NMBR: variants seen among roughly 807,000 people sequenced by gnomAD.
NMBR encodes neuromedin-B receptor.
In NMBR, 16 loss-of-function variants were observed where a neutral mutation model predicts 20.5. The ratio of observed to expected loss-of-function variants is 0.78; its 90% CI spans 0.53 to 1.19. NMBR has a LOEUF of 1.19. Ranked by LOEUF, NMBR falls within the 50% of genes most tolerant of loss-of-function variation. The pLI is 0.00. For missense variants in NMBR, 582 were observed against 499.1 expected, an observed-to-expected ratio of 1.17 and a Z score of -1.58; for synonymous variants, 212 against 196.6, an observed-to-expected ratio of 1.08 and a Z score of -0.65.
chr6:142,075,959 A>C lies in NMBR; in HGVS notation c.862T>G (p.Tyr288Asp). Residue 288 changes from tyrosine to aspartate, a missense_variant, in exon 4 of 4, where the codon TAT (tyrosine) becomes GAT (aspartate). Tyr to Asp is a radical substitution (Grantham distance 160). Coordinates refer to ENST00000258042, the MANE Select transcript of NMBR (RefSeq NM_002511.4). Reference sequence around the variant, plus strand: ...ATCTCATTATAGTTGAAAGACCGATACATGTAAAGGATGTGGTTTGGAAAC... The same window carrying C: ...ATCTCATTATAGTTGAAAGACCGATCCATGTAAAGGATGTGGTTTGGAAAC... Reference protein sequence around the residue: ...CWFPNHILYMYRSFNYNEIDP... With the variant: ...CWFPNHILYMDRSFNYNEIDP... The C allele has an allele frequency of 6.2e-7, 1 of 1,613,908 alleles. No individual in the cohort carries two copies. Among genetic ancestry groups the C allele is most frequent in the Non-Finnish European group, 8.5e-7 (1 of 1,179,854 alleles).
At chr6:142,088,191 C>T in intron 2 of NMBR, 46 bp downstream of exon 2, 2 of 1,581,052 alleles carry the variant, frequency 1.3e-6, no homozygotes, top group South Asian at 1.1e-5. Context: ...CTACTCGCCC[C>T]TCTCCACGAC....
At chr6:142,089,469 T>A (rs1039725861) in intron 1 of NMBR, among the ~76,000 whole-genome samples, 148 bp from the exon 2 acceptor site, 35 of 152,348 alleles carry the variant, frequency 2.3e-4, no homozygotes, top group African/African-American at 8.2e-4. Flanking sequence ...ATTTTTAAAT[T>A]TATATTTTAT....
chr6:142,117,816 C>G (rs1308800165), intron 1 of NMBR, among the ~76,000 whole-genome samples: 3 of 151,858 alleles, frequency 2.0e-5, no homozygotes, highest in Non-Finnish European at 4.4e-5. Flanking sequence ...CTTTGCCAAA[C>G]AAGGCAATCA....
chr6:142,113,395 T>C (rs1777804469), intron 1 of NMBR, among the ~76,000 whole-genome samples: 4 of 152,154 alleles, frequency 2.6e-5, no homozygotes. Flanking sequence ...AAAGGATTCA[T>C]GAATCGCATG....
At chr6:142,134,275 T>C (rs1395845557) in intron 1 of NMBR, among the ~76,000 whole-genome samples, 2 of 152,170 alleles carry the variant, frequency 1.3e-5, no homozygotes, top group Non-Finnish European at 2.9e-5. Context: ...ATTTGGGATA[T>C]AGACTAGCTG....
At chr6:142,086,797 G>A (rs1339721880) in intron 2 of NMBR, among the ~76,000 whole-genome samples, 2 of 152,034 alleles carry the variant, frequency 1.3e-5, no homozygotes, top group Non-Finnish European at 2.9e-5. Context: ...TGTAAAAACT[G>A]GTGTGAAATA....
chr6:142,083,415 C>A (rs1391519534), intron 2 of NMBR, among the ~76,000 whole-genome samples: 2 of 152,102 alleles, frequency 1.3e-5, no homozygotes, highest in African/African-American at 2.4e-5. Context: ...CTTTTCCCTG[C>A]CCTTGGTTTC....
At chr6:142,082,854 T>C (rs374007621) in intron 2 of NMBR, among the ~76,000 whole-genome samples, 22 of 152,316 alleles carry the variant, frequency 1.4e-4, no homozygotes, top group African/African-American at 5.1e-4. Context: ...CTTATGGCCA[T>C]GAGTTTTGTG....
At chr6:142,080,990 A>G (rs1035231219) in intron 2 of NMBR, among the ~76,000 whole-genome samples, 1 of 152,250 alleles carries the variant, frequency 6.6e-6, no homozygotes, top group Non-Finnish European at 1.5e-5. Flanking sequence ...ATAAAGTACC[A>G]TATACTGGGC....
chr6:142,082,309 T>C (rs1777115842), intron 2 of NMBR, among the ~76,000 whole-genome samples: 1 of 152,218 alleles, frequency 6.6e-6, no homozygotes, highest in Admixed American at 6.5e-5. Flanking sequence ...GTAGAGTCTA[T>C]AGGGTCTCAA....
At chr6:142,080,743 C>G (rs369404416) in intron 2 of NMBR, among the ~76,000 whole-genome samples, 10 of 152,214 alleles carry the variant, frequency 6.6e-5, no homozygotes, top group African/African-American at 2.4e-4. Flanking sequence ...TATTTAAGAG[C>G]AAAGTACCAA....
intron 3 of NMBR, 40 bp downstream of exon 3, chr6:142,078,514 GT>G (rs779731217): frequency 9.6e-5 from 109 of 1,134,146 alleles, no homozygotes; most frequent in Non-Finnish European, 1.3e-4. Flanking sequence ...GCAGTTACTT[GT>G]TCTGACCACA....
At position 142,075,714 on chromosome 6, in the gene NMBR, A is replaced by G; in HGVS notation, c.1107T>C (p.Ala369=). ...AAACAGAATTGGTCACCATGTTCTT[A>G]GCATTGCTTTTCAGAGATGTCATAC... ...AVRMTSLKSN[A]KNMVTNSVLL... is the part of the protein sequence containing the mutation. Residue 369 remains alanine, a synonymous_variant, in exon 4 of 4, where the codon GCT becomes GCC. Coordinates refer to ENST00000258042, the MANE Select transcript of NMBR (RefSeq NM_002511.4). The G allele has an allele frequency of 3.7e-6, 6 of 1,613,950 alleles. No homozygotes were observed. Among genetic ancestry groups the G allele is most frequent in the African/African-American group, 1.3e-5 (1 of 75,032 alleles).
chr6:142,132,049 T>C (rs1293227241), intron 1 of NMBR, among the ~76,000 whole-genome samples: 1 of 152,184 alleles, frequency 6.6e-6, no homozygotes, highest in Non-Finnish European at 1.5e-5. Flanking sequence ...TGAGGGATCA[T>C]TAAGTTGTCC....
chr6:142,132,699 T>G (rs1455259675), intron 1 of NMBR, among the ~76,000 whole-genome samples: 1 of 152,136 alleles, frequency 6.6e-6, no homozygotes, highest in Non-Finnish European at 1.5e-5. Context: ...AGGACACACC[T>G]AAATAAAATA....
At chr6:142,129,609 C>T (rs568981570) in intron 1 of NMBR, among the ~76,000 whole-genome samples, 3 of 152,124 alleles carry the variant, frequency 2.0e-5, no homozygotes, top group African/African-American at 7.2e-5. Context: ...ACATTGAAAA[C>T]AGACATGGAA....
chr6:142,145,020 TAAAAAAAAAAAA>T (rs34522158), intron 1 of NMBR, among the ~76,000 whole-genome samples: 1 of 97,642 alleles, frequency 1.0e-5, no homozygotes, highest in Admixed American at 1.2e-4. Flanking sequence ...AGAACCTGTC[TAAAAAAAAAAAA>T]AAAAAAAGAA....
intron 1 of NMBR, chr6:142,133,033 T>C: frequency 2.0e-6 from 1 of 490,200 alleles, no homozygotes; most frequent in Non-Finnish European, 3.7e-6. Flanking sequence ...GAGAAATTTG[T>C]AGTGATGAGT....
intron 1 of NMBR, among the ~76,000 whole-genome samples, chr6:142,138,871 T>A (rs1778317183): frequency 6.6e-6 from 1 of 152,226 alleles, no homozygotes; most frequent in Non-Finnish European, 1.5e-5. Flanking sequence ...GGAGCACAGT[T>A]AAGTTACTTG....
Sources: allele counts gnomAD v4.1 joint callset (sites outside exome capture counted in the v4.1 genomes callset), GRCh38; gene constraint gnomAD v4.1.1; transcripts MANE v1.5; gene names NCBI Gene and HGNC (gene_info 2026-07-23, HGNC 2026-07-21).